SDK1: variants seen among roughly 807,000 people sequenced by gnomAD.
SDK1 encodes the protein protein sidekick-1.
SDK1 carries 157 observed loss-of-function variants against 245.5 expected under a neutral mutation model. The ratio of observed to expected loss-of-function variants is 0.64; its 90% CI spans 0.56 to 0.73. SDK1 has a LOEUF of 0.73. Among genes scored for constraint, SDK1 ranks in the 30% least tolerant of loss-of-function variants. The probability of loss-of-function intolerance (pLI) is 0.00; values close to 1 mark genes in which losing one functional copy is unlikely to be tolerated. For missense variants in SDK1, 3,583 were observed against 3,002.3 expected, an observed-to-expected ratio of 1.19 and a Z score of -4.52; for synonymous variants, 1,647 against 1,278.5, an observed-to-expected ratio of 1.29 and a Z score of -6.15.
intron 4 of SDK1, among the ~76,000 whole-genome samples, chr7:3,723,176 T>C (rs1246461884): frequency 6.6e-6 from 1 of 152,184 alleles, no homozygotes; most frequent in Non-Finnish European, 1.5e-5. Flanking sequence ...GTACTCAAAA[T>C]TGAGCTTTGT....
intron 17 of SDK1, among the ~76,000 whole-genome samples, chr7:4,034,360 T>G (rs1490489074): frequency 6.6e-6 from 1 of 152,216 alleles, no homozygotes; most frequent in East Asian, 1.9e-4. Flanking sequence ...CATGTGTCAA[T>G]GCCGACGTCC....
intron 1 of SDK1, among the ~76,000 whole-genome samples, chr7:3,375,698 C>T (rs1477871072): frequency 1.3e-5 from 2 of 152,184 alleles, no homozygotes; most frequent in East Asian, 3.9e-4. Context: ...GGTCAACCGC[C>T]ACCATCAACT....
intron 35 of SDK1, among the ~76,000 whole-genome samples, chr7:4,193,370 A>G (rs1783347859): frequency 1.7e-5 from 1 of 57,840 alleles, no homozygotes; most frequent in South Asian, 7.7e-4. Flanking sequence ...ATATTAAAAT[A>G]TTTATATATA....
intron 4 of SDK1, among the ~76,000 whole-genome samples, chr7:3,812,923 C>T (rs1217844846): frequency 1.3e-5 from 2 of 152,132 alleles, no homozygotes; most frequent in Non-Finnish European, 2.9e-5. Flanking sequence ...TCACGAGAAA[C>T]AGGTTTCCCA....
chr7:3,873,250 T>G (rs1272861869), intron 5 of SDK1, among the ~76,000 whole-genome samples: 1 of 152,162 alleles, frequency 6.6e-6, no homozygotes, highest in East Asian at 1.9e-4. Context: ...CTTTAAACAT[T>G]TGATGTAATT....
intron 14 of SDK1, among the ~76,000 whole-genome samples, chr7:4,010,643 C>A (rs1370456769): frequency 6.6e-6 from 1 of 152,208 alleles, no homozygotes; most frequent in Non-Finnish European, 1.5e-5. Context: ...TGTGAGCCGA[C>A]GGAGAACTTT....
intron 1 of SDK1, among the ~76,000 whole-genome samples, chr7:3,506,067 A>T (rs1453258458): frequency 6.6e-6 from 1 of 152,100 alleles, no homozygotes; most frequent in Non-Finnish European, 1.5e-5. Flanking sequence ...TTTACCATTC[A>T]TCATATTCTT....
chr7:4,254,840 T>TCTATG (rs1416597342), intron 44 of SDK1, among the ~76,000 whole-genome samples: 1 of 152,190 alleles, frequency 6.6e-6, no homozygotes, highest in Non-Finnish European at 1.5e-5. Flanking sequence ...ATGTTGCTCC[T>TCTATG]CAGTCTTGGG....
At chr7:3,597,807 A>G (rs183733211) in intron 1 of SDK1, among the ~76,000 whole-genome samples, 2 of 152,262 alleles carry the variant, frequency 1.3e-5, no homozygotes, top group Admixed American at 6.5e-5. Flanking sequence ...AGATTCCTCG[A>G]TGGTGCTGAG....
chr7:3,502,970 T>G (rs1034695747), intron 1 of SDK1, among the ~76,000 whole-genome samples: 6 of 152,204 alleles, frequency 3.9e-5, no homozygotes, highest in Non-Finnish European at 8.8e-5. Flanking sequence ...GTTTGTAAAA[T>G]ATTTTGTTGT....
intron 1 of SDK1, among the ~76,000 whole-genome samples, chr7:3,609,433 C>A (rs1285244605): frequency 1.3e-5 from 2 of 152,144 alleles, no homozygotes; most frequent in African/African-American, 4.8e-5. Context: ...CAGAGTCTCA[C>A]TCTGTTGCCC....
intron 35 of SDK1, among the ~76,000 whole-genome samples, chr7:4,186,412 G>C (rs1026508188): frequency 6.6e-6 from 1 of 152,202 alleles, no homozygotes; most frequent in Non-Finnish European, 1.5e-5. Context: ...TCTTTAGCCA[G>C]AGTTAGTGGC....
intron 4 of SDK1, among the ~76,000 whole-genome samples, chr7:3,727,652 G>A (rs976450531): frequency 1.6e-4 from 25 of 152,002 alleles, no homozygotes; most frequent in Non-Finnish European, 2.4e-4. Flanking sequence ...CAGCGCGTCC[G>A]GCTAAATTTT....
At position 3,719,797 on chromosome 7, in the gene SDK1, T is replaced by G. The variant is rs573975982; in HGVS notation, c.713+77692T>G. On this transcript the variant is annotated intron_variant, in intron 4 of 44. Coordinates refer to ENST00000404826, the MANE Select transcript of SDK1 (RefSeq NM_152744.4). ...ATTGAGACCATCCTGGCCAACATGG[T>G]GAAACCCCGTCTCTACTAAAACTAC... Among the ~76,000 whole-genome samples the G allele has an allele frequency of 7.2e-5, 11 of 152,040 alleles. No individual in the cohort carries two copies. In the East Asian group the frequency reaches 1.9e-3, roughly 27 times the overall value.
chr7:4,003,850 G>A (rs891235715), intron 14 of SDK1, among the ~76,000 whole-genome samples: 12 of 152,366 alleles, frequency 7.9e-5, no homozygotes, highest in South Asian at 2.1e-4. Flanking sequence ...TCTGATTAGC[G>A]TGAAGCCTCC....
At chr7:3,950,562 C>T (rs1391994824) in intron 5 of SDK1, among the ~76,000 whole-genome samples, 1 of 152,196 alleles carries the variant, frequency 6.6e-6, no homozygotes, top group Non-Finnish European at 1.5e-5. Context: ...GCCTGATTTA[C>T]ACATTTATGA....
intron 41 of SDK1, among the ~76,000 whole-genome samples, chr7:4,235,862 T>TGTCCTGCCCCGTATGAGAGTC (rs1309977164): frequency 3.9e-5 from 6 of 152,228 alleles, no homozygotes; most frequent in Non-Finnish European, 7.3e-5. Context: ...GCAGCCAGGG[T>TGTCCTGCCCCGTATGAGAGTC]GTCCTGCCCC....
At chr7:4,246,379 T>C (rs1319815497) in intron 44 of SDK1, among the ~76,000 whole-genome samples, 4 of 152,084 alleles carry the variant, frequency 2.6e-5, no homozygotes, top group Admixed American at 2.6e-4. Flanking sequence ...TCAGTAACTT[T>C]CCCAGTGTGG....
intron 1 of SDK1, among the ~76,000 whole-genome samples, chr7:3,305,301 A>C (rs763918804): frequency 1.3e-5 from 2 of 152,112 alleles, no homozygotes; most frequent in Non-Finnish European, 2.9e-5. Context: ...AAAACTCCTC[A>C]AGTGATTCTT....
Sources: gnomAD v4.1 joint callset for allele counts (sites outside exome capture counted in the v4.1 genomes callset) on GRCh38, gnomAD v4.1.1 for gene constraint, MANE v1.5 for transcripts, NCBI Gene and HGNC (gene_info 2026-07-23, HGNC 2026-07-21) for gene names.